POGLUT1: variants seen among roughly 807,000 people sequenced by gnomAD.
The protein encoded by POGLUT1 is 9630046K23Rik.
A neutral mutation model predicts 61.3 loss-of-function variants in POGLUT1; 32 were observed. The ratio of observed to expected loss-of-function variants is 0.52; its 90% CI spans 0.39 to 0.70. POGLUT1 has a LOEUF of 0.70. Among genes scored for constraint, POGLUT1 ranks in the 30% least tolerant of loss-of-function variants. The pLI, the probability that POGLUT1 is intolerant of heterozygous loss-of-function variation, is 0.00. For missense variants in POGLUT1, 411 were observed against 469.8 expected (o/e 0.87, Z 1.16); for synonymous variants, 158 against 158.2 (o/e 1.00, Z 0.01).
At position 119,489,053 on chromosome 3, in the gene POGLUT1, G is replaced by T. The variant is rs1013120492; in HGVS notation, c.797+66G>T. Reference sequence around the variant, plus strand: ...TGCTTTTGAAATAGCTTCACTTTGGGTGAGAACTTTAATATAAAGGCCCAG... The same window carrying T: ...TGCTTTTGAAATAGCTTCACTTTGGTTGAGAACTTTAATATAAAGGCCCAG... On this transcript the variant is annotated intron_variant, in intron 8 of 10. Coordinates refer to ENST00000295588, the MANE Select transcript of POGLUT1 (RefSeq NM_152305.3). 1.0e-5 allele frequency: 9 copies of T among 889,582 alleles called. No individual in the cohort carries two copies. The African/African-American group carries it at 1.1e-4, about 11-fold the overall frequency. 55.1% of individuals were successfully genotyped at this position (889,582 alleles called of 1,614,324 possible).
intron 1 of POGLUT1, 138 bp downstream of exon 1, chr3:119,469,244 G>A (rs1207177744): frequency 1.5e-6 from 1 of 686,206 alleles, no homozygotes; most frequent in African/African-American, 1.8e-5. Flanking sequence ...GCACCGGGGC[G>A]CCTTGCGGCG....
At chr3:119,479,904 A>G in intron 4 of POGLUT1, 147 bp from the exon 5 acceptor site, 3 of 1,521,250 alleles carry the variant, frequency 2.0e-6, no homozygotes, top group Non-Finnish European at 1.8e-6. Flanking sequence ...TTTAATGTCT[A>G]CAGGCTAGAC....
intron 1 of POGLUT1, 140 bp downstream of exon 1, chr3:119,469,246 C>T (rs992840830): frequency 7.3e-5 from 50 of 683,060 alleles, no homozygotes; most frequent in Non-Finnish European, 5.6e-5. Flanking sequence ...ACCGGGGCGC[C>T]TTGCGGCGGA....
intron 3 of POGLUT1, among the ~76,000 whole-genome samples, chr3:119,475,319 A>G (rs2081522626): frequency 6.6e-6 from 1 of 152,224 alleles, no homozygotes; most frequent in Non-Finnish European, 1.5e-5. Flanking sequence ...TGGCTGCATA[A>G]TAACTTATTA....
chr3:119,475,638 A>G (rs2081525724), intron 3 of POGLUT1, among the ~76,000 whole-genome samples: 2 of 151,662 alleles, frequency 1.3e-5, no homozygotes, highest in Admixed American at 6.6e-5. Context: ...CATGGTGAGA[A>G]CCTATCTCTA....
rs180773011 is a variant in POGLUT1 at position 119,490,824 on chromosome 3, A to C, written c.965+106A>C. 1.6e-4 allele frequency: 149 copies of C among 922,556 alleles called. No individual in the cohort carries two copies. In the African/African-American group the frequency reaches 2.3e-3, roughly 14 times the overall value. The allele number at this position is 922,556 out of a possible 1,614,324, so 57.1% of individuals were successfully genotyped here. ...GTCATGTAAGACATTTAGTCCTACG[A>C]TTTTTTTCCATTGAAAGCTTTTTTT... is the stretch of plus-strand genomic sequence containing the variant. On this transcript the variant is annotated intron_variant, in intron 9 of 10. Coordinates refer to ENST00000295588, the MANE Select transcript of POGLUT1 (RefSeq NM_152305.3).
chr3:119,494,141 T>C lies in POGLUT1; in HGVS notation c.*1703T>C, dbSNP rs540288490. 3 of 152,342 alleles carry C rather than the reference T, an allele frequency of 2.0e-5. No individual in the cohort carries two copies. The highest frequency in any genetic ancestry group is 2.9e-5 in the Non-Finnish European group (2 of 68,038). 9.4% of individuals were successfully genotyped at this position (152,342 alleles called of 1,614,324 possible). On this transcript the variant is annotated 3_prime_UTR_variant, in exon 11 of 11. Coordinates refer to ENST00000295588, the MANE Select transcript of POGLUT1 (RefSeq NM_152305.3). ...GCAGTAAGGGGCTACCATAGTACTT[T>C]GTTTATGCCTGTATTATATGACATC... is the stretch of plus-strand genomic sequence containing the variant.
intron 5 of POGLUT1, among the ~76,000 whole-genome samples, chr3:119,484,762 G>T (rs1440275217): frequency 6.6e-6 from 1 of 152,142 alleles, no homozygotes; most frequent in African/African-American, 2.4e-5. Context: ...GACCTTCAGG[G>T]TTTGGGGGCT....
intron 3 of POGLUT1, among the ~76,000 whole-genome samples, chr3:119,476,536 C>T (rs965195773): frequency 3.3e-5 from 5 of 151,974 alleles, no homozygotes; most frequent in Admixed American, 3.3e-4. Context: ...ACCCTTCTGC[C>T]TAAGTCTCCC....
In POGLUT1 at chr3:119,492,994, A is replaced by T. The variant is rs1337981729; in HGVS notation, c.*556A>T. 6.6e-6 allele frequency: 1 copy of T among 152,616 alleles called. No individual in the cohort carries two copies. Among genetic ancestry groups the T allele is most frequent in the Non-Finnish European group, 1.5e-5 (1 of 68,038 alleles). The allele number at this position is 152,616 out of a possible 1,614,324, so 9.5% of individuals were successfully genotyped here. A position where few individuals can be genotyped will look rare whatever the true frequency, so the allele number is the denominator to read the frequency against. ...TAGCCATGCCATGCAATGATGTAGG[A>T]GTTCTCTTTTGTAAAACCATAAACT... On this transcript the variant is annotated 3_prime_UTR_variant, in exon 11 of 11. Coordinates refer to ENST00000295588, the MANE Select transcript of POGLUT1 (RefSeq NM_152305.3).
At chr3:119,488,553 C>T (rs1261059274) in intron 7 of POGLUT1, 1 of 157,360 alleles carries the variant, frequency 6.4e-6, no homozygotes, top group Admixed American at 6.5e-5. Flanking sequence ...GGGCTATATA[C>T]ACCCCTAAGG....
At chr3:119,476,586 T>C (rs1350550140) in intron 3 of POGLUT1, among the ~76,000 whole-genome samples, 1 of 152,174 alleles carries the variant, frequency 6.6e-6, no homozygotes, top group African/African-American at 2.4e-5. Flanking sequence ...ATTTCCATGC[T>C]GCCAGAAAAT....
At chr3:119,477,170 T>C (rs1424579109) in intron 3 of POGLUT1, 143 bp from the exon 4 acceptor site, 1 of 780,712 alleles carries the variant, frequency 1.3e-6, no homozygotes. Flanking sequence ...AGAAGCATTG[T>C]TTTCAGGAGA....
chr3:119,469,350 C>G (rs1252550562), intron 1 of POGLUT1: 4 of 581,936 alleles, frequency 6.9e-6, no homozygotes, highest in South Asian at 2.0e-5. Flanking sequence ...GGGAATTCCC[C>G]GTTCACCCGC....
intron 7 of POGLUT1, 94 bp from the exon 8 acceptor site, chr3:119,488,835 G>C: frequency 1.5e-6 from 1 of 659,352 alleles, no homozygotes; most frequent in Non-Finnish European, 2.9e-6. Context: ...CTTAAATGAG[G>C]TAATGTTGAT....
chr3:119,480,801 C>G (rs559208693), intron 5 of POGLUT1, among the ~76,000 whole-genome samples: 2 of 146,986 alleles, frequency 1.4e-5, no homozygotes, highest in South Asian at 2.2e-4. Flanking sequence ...TGCAGTGGTG[C>G]TATCGCGGCT....
intron 7 of POGLUT1, among the ~76,000 whole-genome samples, chr3:119,487,307 G>A (rs1253298366): frequency 2.0e-5 from 3 of 152,182 alleles, no homozygotes; most frequent in Admixed American, 6.5e-5. Flanking sequence ...CTTTATTACG[G>A]CCAGGCATGG....
Position 119,477,404 on chromosome 3 carries a change from C to T in POGLUT1, c.412C>T (p.Pro138Ser). 2.5e-6 allele frequency: 4 copies of T among 1,614,112 alleles called. No homozygotes were observed. The highest frequency in any genetic ancestry group is 3.4e-6 in the Non-Finnish European group (4 of 1,179,994). ...VINVRDYPQV[P>S]KWMEPAIPVF... is the part of the protein sequence containing the mutation. ...CAATGTACGAGATTATCCTCAGGTT[C>T]CTAAATGGATGGAGCCTGCCATCCC... The change falls in exon 4 of 11, where the codon CCT becomes TCT. Residue 138 changes from proline (P) to serine (S), a missense_variant. By Grantham distance (74) the Pro-to-Ser change is moderately conservative (BLOSUM62 -1). Coordinates refer to ENST00000295588, the MANE Select transcript of POGLUT1 (RefSeq NM_152305.3).
chr3:119,475,840 G>C (rs991877806), intron 3 of POGLUT1, among the ~76,000 whole-genome samples: 2 of 151,806 alleles, frequency 1.3e-5, no homozygotes, highest in Admixed American at 1.3e-4. Context: ...TGATAAACAG[G>C]CTGGGCACAG....
Sources: allele counts gnomAD v4.1 joint callset (sites outside exome capture counted in the v4.1 genomes callset), GRCh38; gene constraint gnomAD v4.1.1; transcripts MANE v1.5; gene names NCBI Gene and HGNC (gene_info 2026-07-23, HGNC 2026-07-21).